CSMD1: variants seen among roughly 807,000 people sequenced by gnomAD.
The protein encoded by CSMD1 is CUB and sushi domain-containing protein 1.
A neutral mutation model predicts 417.5 loss-of-function variants in CSMD1; 213 were observed. The observed-to-expected ratio is 0.51, with a 90% confidence interval of 0.46 to 0.57. The LOEUF is 0.57. Ranked by LOEUF, CSMD1 falls within the 20% of genes least tolerant of loss-of-function variation. The pLI, the probability that CSMD1 is intolerant of heterozygous loss-of-function variation, is 0.00. For missense variants in CSMD1, 6,923 were observed against 4,529.7 expected, an observed-to-expected ratio of 1.53 and a Z score of -15.17; for synonymous variants, 2,862 against 1,736.8, an observed-to-expected ratio of 1.65 and a Z score of -16.11.
chr8:3,587,872 A>G (rs1031611838), intron 8 of CSMD1, among the ~76,000 whole-genome samples: 5 of 152,124 alleles, frequency 3.3e-5, no homozygotes, highest in Non-Finnish European at 7.3e-5. Flanking sequence ...CTAGAGTTCT[A>G]TGGAACTAAT....
At chr8:4,453,952 G>A (rs1219568701) in intron 2 of CSMD1, among the ~76,000 whole-genome samples, 1 of 149,978 alleles carries the variant, frequency 6.7e-6, no homozygotes, top group African/African-American at 2.4e-5. Flanking sequence ...CTCCCGAGTA[G>A]CTGGGACTAC....
chr8:4,312,235 C>G (rs774127866), intron 3 of CSMD1, among the ~76,000 whole-genome samples: 24 of 151,766 alleles, frequency 1.6e-4, no homozygotes, highest in Non-Finnish European at 2.9e-4. Flanking sequence ...GATAGCGTAA[C>G]TGATCATATT....
At chr8:4,151,124 C>T (rs1292074637) in intron 3 of CSMD1, among the ~76,000 whole-genome samples, 1 of 152,124 alleles carries the variant, frequency 6.6e-6, no homozygotes, top group Non-Finnish European at 1.5e-5. Flanking sequence ...ATATTAGGAT[C>T]CCTGTTCACC....
rs976270185 is a variant in CSMD1, at chr8:4,568,534, G to A, written c.302+68808C>T. On this transcript the variant is annotated intron_variant, in intron 2 of 69. Transcript: ENST00000635120. ...CCAGTCTATCATTGATGGGCATTTG[G>A]GTTGATTCCAAGGTTTTTCTATACT... 2.0e-5 allele frequency among the ~76,000 whole-genome samples: 3 copies of A among 152,014 alleles called. No homozygotes were observed. The East Asian group carries it at 5.8e-4, about 29-fold the overall frequency.
intron 5 of CSMD1, among the ~76,000 whole-genome samples, chr8:3,954,213 GAA>G (rs1188932812): frequency 6.6e-6 from 1 of 152,170 alleles, no homozygotes; most frequent in African/African-American, 2.4e-5. Context: ...GCATAAAGGA[GAA>G]AAAGAGACCC....
At chr8:3,351,642 C>T (rs1808432209) in intron 21 of CSMD1, among the ~76,000 whole-genome samples, 1 of 148,000 alleles carries the variant, frequency 6.8e-6, no homozygotes, top group Admixed American at 6.8e-5. Flanking sequence ...AGTATACAAA[C>T]TTGGCTTGTT....
intron 10 of CSMD1, among the ~76,000 whole-genome samples, chr8:3,559,409 C>T (rs1204512262): frequency 1.3e-5 from 2 of 152,114 alleles, no homozygotes; most frequent in East Asian, 1.9e-4. Flanking sequence ...TAATAAAGTT[C>T]ATCTGGGAAT....
At chr8:4,842,441 T>C (rs1189107098) in intron 1 of CSMD1, among the ~76,000 whole-genome samples, 2 of 152,252 alleles carry the variant, frequency 1.3e-5, no homozygotes, top group Non-Finnish European at 2.9e-5. Context: ...TATTATGCTC[T>C]AAACTGCATT....
chr8:3,961,084 C>G (rs1320875557), intron 5 of CSMD1, among the ~76,000 whole-genome samples: 1 of 152,050 alleles, frequency 6.6e-6, no homozygotes, highest in Non-Finnish European at 1.5e-5. Flanking sequence ...TGAACAAACT[C>G]AAAGGCTACA....
At chr8:3,748,938 C>A (rs1446722017) in intron 6 of CSMD1, among the ~76,000 whole-genome samples, 1 of 152,128 alleles carries the variant, frequency 6.6e-6, no homozygotes, top group Non-Finnish European at 1.5e-5. Context: ...AATTTTATTA[C>A]AAACACTTAC....
At chr8:3,863,343 T>C (rs1377287332) in intron 5 of CSMD1, among the ~76,000 whole-genome samples, 1 of 147,492 alleles carries the variant, frequency 6.8e-6, no homozygotes, top group East Asian at 2.0e-4. Flanking sequence ...GTTGCAGGAG[T>C]TGAGATCGTG....
intron 3 of CSMD1, among the ~76,000 whole-genome samples, chr8:4,389,888 T>C (rs1471152038): frequency 5.9e-5 from 9 of 152,160 alleles, no homozygotes; most frequent in Non-Finnish European, 1.2e-4. Context: ...AACAAACATG[T>C]GGGTTGTTTC....
chr8:4,332,327 G>C (rs905296450), intron 3 of CSMD1, among the ~76,000 whole-genome samples: 9 of 151,990 alleles, frequency 5.9e-5, no homozygotes, highest in South Asian at 2.1e-4. Flanking sequence ...TCTCATATGA[G>C]GATCACCAAA....
At chr8:4,882,143 G>T (rs1803445641) in intron 1 of CSMD1, among the ~76,000 whole-genome samples, 1 of 152,064 alleles carries the variant, frequency 6.6e-6, no homozygotes, top group African/African-American at 2.4e-5. Flanking sequence ...TGAAGCACAT[G>T]TAGTTACAAG....
At position 4,395,419 on chromosome 8, in the gene CSMD1, T is replaced by TA. The variant is rs139105329; in HGVS notation, c.415+24533dup. ...AGGCTCCAGAAGCGCTAAAGAATCA[T>TA]AAAAAAAACAAGAAAAGCAGTCTCT... is the stretch of plus-strand genomic sequence containing the variant. On this transcript the variant is annotated intron_variant, in intron 3 of 69. Transcript: ENST00000635120. Among the ~76,000 whole-genome samples, 1,014 of 151,562 alleles carry TA rather than the reference T, an allele frequency of 6.7e-3. 7 individuals are homozygous for TA. The highest frequency in any genetic ancestry group is 0.028 in the East Asian group (142 of 5,112).
intron 2 of CSMD1, among the ~76,000 whole-genome samples, chr8:4,463,251 C>T (rs1182648224): frequency 6.6e-6 from 1 of 152,102 alleles, no homozygotes; most frequent in African/African-American, 2.4e-5. Context: ...CAGTTCATGT[C>T]CACTAAAATA....
At chr8:4,634,096 A>G (rs2130850825) in intron 2 of CSMD1, among the ~76,000 whole-genome samples, 1 of 152,084 alleles carries the variant, frequency 6.6e-6, no homozygotes, top group East Asian at 1.9e-4. Context: ...CCCTGTGCTT[A>G]CCAAGAGAGG....
intron 20 of CSMD1, among the ~76,000 whole-genome samples, chr8:3,362,070 T>G (rs986723239): frequency 3.3e-5 from 5 of 152,222 alleles, no homozygotes; most frequent in African/African-American, 1.2e-4. Context: ...TATCCTTTTT[T>G]TCCCCCTTCA....
chr8:3,074,313 A>G (rs1489161183), intron 49 of CSMD1, among the ~76,000 whole-genome samples: 2 of 152,172 alleles, frequency 1.3e-5, no homozygotes, highest in Admixed American at 6.5e-5. Flanking sequence ...GAGGTCCTAC[A>G]ATCTGAGCAC....
Sources: allele counts gnomAD v4.1 joint callset (sites outside exome capture counted in the v4.1 genomes callset), GRCh38; gene constraint gnomAD v4.1.1; transcripts MANE v1.5; gene names NCBI Gene and HGNC (gene_info 2026-07-23, HGNC 2026-07-21).